The following EDC3 variants were observed in gnomAD, a reference collection of about 807,000 sequenced individuals.
EDC3 encodes the protein enhancer of mRNA-decapping protein 3.
In EDC3, 20 loss-of-function variants were observed where a neutral mutation model predicts 41.8. The ratio of observed to expected loss-of-function variants is 0.48; its 90% confidence interval spans 0.34 to 0.70. The LOEUF is 0.70. Ranked by LOEUF, EDC3 falls within the 30% of genes least tolerant of loss-of-function variation. EDC3 has a pLI of 0.01. For missense variants in EDC3, 444 were observed against 636.8 expected, an observed-to-expected ratio of 0.70 and a Z score of 3.26; for synonymous variants, 206 against 243.2, an observed-to-expected ratio of 0.85 and a Z score of 1.42.
In EDC3 at chr15:74,654,719, T is replaced by TC. The variant is rs1486335607; in HGVS notation, c.820+1013dup. 5.9e-5 allele frequency among the ~76,000 whole-genome samples: 9 copies of TC among 152,014 alleles called. No individual in the cohort carries two copies. The South Asian group carries it at 1.2e-3, about 21-fold the overall frequency. ...CTGACAGTTGGCCTATTTTTTTTTT[T>TC]CACATGGAAAGCACATGCAAGCTAC... is the stretch of plus-strand genomic sequence containing the variant. On this transcript the variant is annotated intron_variant, in intron 4 of 6. Transcript: ENST00000315127.
chr15:74,633,250 C>T lies in EDC3; in HGVS notation c.1193-304G>A, dbSNP rs950177398. On this transcript the variant is annotated intron_variant, in intron 6 of 6. Coordinates refer to ENST00000315127, the MANE Select transcript of EDC3 (RefSeq NM_025083.5). ...TTCTCAGGGCACAAAGCCCTCACCT[C>T]CTCTGCCTTCTCAGGCATGCCTCTG... Among the ~76,000 whole-genome samples the T allele has an allele frequency of 5.3e-5, 8 of 152,234 alleles. No homozygotes were observed. In the East Asian group the frequency reaches 1.5e-3, roughly 29 times the overall value.
Position 74,640,606 on chromosome 15 carries a change from A to G in EDC3, c.834T>C (p.Val278=). The part of the protein sequence containing the change: ...SKEFCTDSGL[V]VPSISYELHK... ...GCAGCTCATAGGAAATACTTGGGAC[A>G]ACCAGGCCAGAGTCTGCAGTTCAAA... Residue 278 remains valine, a synonymous_variant, in exon 5 of 7, where the codon GTT becomes GTC. Transcript: ENST00000315127. 6.2e-7 allele frequency: 1 copy of G among 1,614,258 alleles called. No individual in the cohort carries two copies. The highest frequency in any genetic ancestry group is 2.2e-5 in the East Asian group (1 of 44,878).
chr15:74,664,023 A>C (rs1389739367), intron 3 of EDC3, among the ~76,000 whole-genome samples: 1 of 152,230 alleles, frequency 6.6e-6, no homozygotes, highest in East Asian at 1.9e-4. Context: ...CTCTAAATGC[A>C]GAGTTGATTC....
chr15:74,688,162 G>C (rs1326039180), intron 1 of EDC3, among the ~76,000 whole-genome samples: 1 of 152,118 alleles, frequency 6.6e-6, no homozygotes, highest in African/African-American at 2.4e-5. Context: ...ATTCTATAAA[G>C]AAAATTATGC....
intron 1 of EDC3, among the ~76,000 whole-genome samples, chr15:74,684,271 A>T (rs547996152): frequency 6.6e-6 from 1 of 151,660 alleles, no homozygotes; most frequent in South Asian, 2.1e-4. Flanking sequence ...TCACAGCTCA[A>T]TTGATCCTCC....
chr15:74,637,481 C>A (rs759575632), intron 5 of EDC3: 2 of 152,208 alleles, frequency 1.3e-5, no homozygotes, highest in Admixed American at 6.5e-5. Context: ...CACACTACCC[C>A]CTCCTGTAGG....
At chr15:74,642,013 C>T (rs934598139) in intron 4 of EDC3, 1 of 152,196 alleles carries the variant, frequency 6.6e-6, no homozygotes, top group Non-Finnish European at 1.5e-5. Flanking sequence ...GTTTTCTTCA[C>T]TGGTCCTGTC....
In EDC3 at chr15:74,671,408, C is replaced by A. The variant is rs774671939; in HGVS notation, c.484+47G>T. On this transcript the variant is annotated intron_variant, in intron 3 of 6. Transcript: ENST00000315127. This position sits in a 1 kb window ranked among gnomAD's most constrained non-coding sequence, Gnocchi z 4.6. ...GAGCAGCAGTGCTTATGGCTTATAG[C>A]CCTGAAACACCAGATTGAGAAGAAA... The A allele has an allele frequency of 9.5e-6, 15 of 1,572,038 alleles. No individual in the cohort carries two copies. Among genetic ancestry groups the A allele is most frequent in the African/African-American group, 2.7e-5 (2 of 74,230 alleles).
chr15:74,660,616 A>G (rs2062610646), intron 3 of EDC3, among the ~76,000 whole-genome samples: 1 of 152,076 alleles, frequency 6.6e-6, no homozygotes, highest in Non-Finnish European at 1.5e-5. Context: ...ACAAGGGAAG[A>G]ACAAAAGAAT....
At chr15:74,687,640 C>G (rs1046831639) in intron 1 of EDC3, among the ~76,000 whole-genome samples, 5 of 152,176 alleles carry the variant, frequency 3.3e-5, no homozygotes, top group Non-Finnish European at 7.3e-5. Context: ...AGCCTCTGCA[C>G]TAGGATTACA....
At chr15:74,682,126 C>G (rs1334278290) in intron 1 of EDC3, among the ~76,000 whole-genome samples, 1 of 152,144 alleles carries the variant, frequency 6.6e-6, no homozygotes, top group Admixed American at 6.5e-5. Flanking sequence ...TACAGCTACT[C>G]TGGAAAACAT....
intron 6 of EDC3, among the ~76,000 whole-genome samples, chr15:74,634,699 T>G (rs2062250382): frequency 6.6e-6 from 1 of 152,144 alleles, no homozygotes; most frequent in African/African-American, 2.4e-5. Flanking sequence ...TCTCCAAAAC[T>G]GATTTAGAAA....
At chr15:74,643,760 T>G (rs559119443) in intron 4 of EDC3, 2 of 152,326 alleles carry the variant, frequency 1.3e-5, no homozygotes, top group South Asian at 4.1e-4. Context: ...AGTCTTTCTG[T>G]TGTGTAACAA....
intron 4 of EDC3, chr15:74,641,809 T>G (rs2062355440): frequency 6.5e-6 from 1 of 153,126 alleles, no homozygotes; most frequent in African/African-American, 2.4e-5. Context: ...CTTCGCCTTC[T>G]CAACTTGTTC....
chr15:74,693,629 A>G (rs2063032588), intron 1 of EDC3, among the ~76,000 whole-genome samples: 1 of 152,172 alleles, frequency 6.6e-6, no homozygotes, highest in Admixed American at 6.6e-5. Context: ...TTTCAAACTC[A>G]TGACTCCATC....
At chr15:74,633,242 C>T (rs894595428) in intron 6 of EDC3, among the ~76,000 whole-genome samples, 2 of 152,210 alleles carry the variant, frequency 1.3e-5, no homozygotes, top group African/African-American at 2.4e-5. Flanking sequence ...GGCACAAAGC[C>T]CTCACCTCCT....
Position 74,630,989 on chromosome 15 carries a change from G to C in EDC3, c.*1623C>G, listed in dbSNP as rs1230055209. 1 of 152,208 alleles carries C rather than the reference G, an allele frequency of 6.6e-6. No homozygotes were observed. Among genetic ancestry groups the C allele is most frequent in the Non-Finnish European group, 1.5e-5 (1 of 68,058 alleles). The allele number at this position is 152,208 out of a possible 1,614,324, so 9.4% of individuals were successfully genotyped here. ...AACCTAGACTGCTCCTCAGATTTTG[G>C]CCAAGAGAGGGCCCCGGCTTGGGAG... On this transcript the variant is annotated 3_prime_UTR_variant, in exon 7 of 7. Transcript: ENST00000315127.
At chr15:74,677,343 A>G (rs1438882268) in intron 1 of EDC3, among the ~76,000 whole-genome samples, 1 of 144,954 alleles carries the variant, frequency 6.9e-6, no homozygotes, top group East Asian at 2.0e-4. Flanking sequence ...TACAGGCGTG[A>G]GCCACCATGC....
At chr15:74,640,068 AC>A in intron 5 of EDC3, 1 of 184,596 alleles carries the variant, frequency 5.4e-6, no homozygotes, top group Admixed American at 5.9e-5. Flanking sequence ...CAGCTCCCCT[AC>A]TCAGTTGTCA....
Sources: allele counts gnomAD v4.1 joint callset (sites outside exome capture counted in the v4.1 genomes callset), GRCh38; gene constraint gnomAD v4.1.1; non-coding constraint Gnocchi (gnomAD v3.1); transcripts MANE v1.5; gene names NCBI Gene and HGNC (gene_info 2026-07-23, HGNC 2026-07-21).